Variants in PPM1H observed in about 807,000 individuals in gnomAD.
PPM1H encodes protein phosphatase 1H.
Under a neutral mutation model 54.9 loss-of-function variants are expected in PPM1H, and 27 were observed. The observed-to-expected ratio is 0.49, with a 90% CI of 0.36 to 0.68. The LOEUF is 0.68. PPM1H is among the 30% of genes least tolerant of loss of function. The pLI is 0.00. For missense variants in PPM1H, 596 were observed against 667.8 expected (o/e 0.89, Z 1.19); for synonymous variants, 305 against 270.8 (o/e 1.13, Z -1.24).
chr12:62,817,782 A>G (rs1317243288), intron 2 of PPM1H, among the ~76,000 whole-genome samples: 1 of 152,108 alleles, frequency 6.6e-6, no homozygotes, highest in Non-Finnish European at 1.5e-5. Flanking sequence ...TCCCTTTCTC[A>G]TGTTCCTTTT....
At chr12:62,759,844 G>T (rs1351830688) in intron 4 of PPM1H, among the ~76,000 whole-genome samples, 1 of 150,454 alleles carries the variant, frequency 6.6e-6, no homozygotes, top group Non-Finnish European at 1.5e-5. Flanking sequence ...CCACTTTCCT[G>T]GGGGGCAAGC....
intron 2 of PPM1H, among the ~76,000 whole-genome samples, chr12:62,817,166 A>G (rs2076874388): frequency 1.4e-5 from 2 of 143,866 alleles, no homozygotes; most frequent in South Asian, 4.3e-4. Flanking sequence ...AAAAAGAAAA[A>G]AAAAAAAAAA....
In PPM1H at chr12:62,824,005, C is replaced by A. The variant is rs148608640; in HGVS notation, c.411+8109G>T. Among the ~76,000 whole-genome samples, 821 of 151,918 alleles carry A rather than the reference C, an allele frequency of 5.4e-3. 13 individuals carry two copies. Among genetic ancestry groups the A allele is most frequent in the African/African-American group, 0.019 (779 of 41,430 alleles). On this transcript the variant is annotated intron_variant, in intron 2 of 9. Coordinates refer to ENST00000228705, the MANE Select transcript of PPM1H (RefSeq NM_020700.2). Reference sequence around the variant, plus strand: ...TGATTGTATATCTAGAAAACCCCATCTTCTCAGCCCAAAATCTCCTTAAGC... The same window carrying A: ...TGATTGTATATCTAGAAAACCCCATATTCTCAGCCCAAAATCTCCTTAAGC...
At chr12:62,846,599 T>G (rs1277517502) in intron 1 of PPM1H, among the ~76,000 whole-genome samples, 1 of 151,696 alleles carries the variant, frequency 6.6e-6, no homozygotes, top group Non-Finnish European at 1.5e-5. Flanking sequence ...CCATCTGGTC[T>G]CCTCGCACCC....
intron 6 of PPM1H, among the ~76,000 whole-genome samples, chr12:62,694,744 T>C (rs867767576): frequency 1.3e-5 from 2 of 152,210 alleles, no homozygotes; most frequent in African/African-American, 4.8e-5. Context: ...ACCTTGAGCA[T>C]GTAGCTTCAC....
intron 2 of PPM1H, among the ~76,000 whole-genome samples, chr12:62,815,087 C>T (rs937461540): frequency 6.6e-6 from 1 of 152,112 alleles, no homozygotes; most frequent in East Asian, 1.9e-4. Flanking sequence ...GATGAGAAAA[C>T]ATTTGAGTGA....
intron 1 of PPM1H, among the ~76,000 whole-genome samples, chr12:62,870,895 T>TA (rs920834451): frequency 2.0e-5 from 3 of 152,132 alleles, no homozygotes; most frequent in African/African-American, 4.8e-5. Context: ...CTGGGTATTA[T>TA]AAAAAAAGAT....
At chr12:62,924,655 T>C (rs1187748417) in intron 1 of PPM1H, among the ~76,000 whole-genome samples, 1 of 152,332 alleles carries the variant, frequency 6.6e-6, no homozygotes, top group South Asian at 2.1e-4. Context: ...CAGAATACAT[T>C]TTCTTTGTAA....
Position 62,644,189 on chromosome 12 carries a change from G to A in PPM1H, c.*4300C>T, listed in dbSNP as rs2075773226. ...ACAAAGCATAAAGGTACATGGTTCT[G>A]AAACAATTTCCAGGCAGATTTCTCT... On this transcript the variant is annotated 3_prime_UTR_variant, in exon 10 of 10. Transcript: ENST00000228705. The A allele has an allele frequency of 1.3e-5, 2 of 152,120 alleles. No homozygotes were observed. The highest frequency in any genetic ancestry group is 4.1e-4 in the South Asian group (2 of 4,830). The allele number at this position is 152,120 out of a possible 1,614,324, so 9.4% of individuals were successfully genotyped here. A position where few individuals can be genotyped will look rare whatever the true frequency, so the allele number is the denominator to read the frequency against.
chr12:62,667,135 G>A, intron 9 of PPM1H, 43 bp downstream of exon 9: 1 of 1,497,464 alleles, frequency 6.7e-7, no homozygotes, highest in Non-Finnish European at 9.1e-7. Context: ...TGTCATGGAA[G>A]AATGCTTGAG....
intron 1 of PPM1H, among the ~76,000 whole-genome samples, chr12:62,862,694 C>T (rs1399722447): frequency 6.6e-6 from 1 of 152,156 alleles, no homozygotes; most frequent in East Asian, 1.9e-4. Context: ...AGAGGCAGCA[C>T]TTTAATATCA....
At chr12:62,894,623 C>T (rs1870917684) in intron 1 of PPM1H, among the ~76,000 whole-genome samples, 1 of 152,190 alleles carries the variant, frequency 6.6e-6, no homozygotes, top group Admixed American at 6.5e-5. Context: ...AAATATTAGA[C>T]ATAAAAGTAT....
intron 2 of PPM1H, among the ~76,000 whole-genome samples, chr12:62,816,739 T>G (rs1048583645): frequency 3.3e-5 from 5 of 152,006 alleles, no homozygotes; most frequent in East Asian, 3.9e-4. Context: ...TTGGTTTTTT[T>G]TTTTAGAAGA....
In PPM1H at chr12:62,801,921, C is replaced by G. The variant is rs770470176; in HGVS notation, c.651G>C (p.Gly217=). 1.9e-6 allele frequency: 3 copies of G among 1,613,256 alleles called. No homozygotes were observed. The East Asian group carries it at 6.7e-5, about 36-fold the overall frequency. Residue 217 remains glycine, a synonymous_variant, in exon 3 of 10, where the codon GGG becomes GGC. Coordinates refer to ENST00000228705, the MANE Select transcript of PPM1H (RefSeq NM_020700.2). ...GGGGCGTGCTGGGGGAGCCCGGGGC[C>G]CCCACCCCTCCGCGCAGGGAGGCTG... The part of the protein sequence containing the change: ...TRAASLRGGV[G]APGSPSTPPT...
intron 5 of PPM1H, among the ~76,000 whole-genome samples, chr12:62,730,361 A>G (rs779742718): frequency 2.0e-5 from 3 of 152,224 alleles, no homozygotes; most frequent in Non-Finnish European, 4.4e-5. Flanking sequence ...TAGGAGTAAC[A>G]CTGCTGGACC....
intron 5 of PPM1H, among the ~76,000 whole-genome samples, chr12:62,722,194 G>C (rs1040768663): frequency 6.6e-6 from 1 of 152,072 alleles, no homozygotes; most frequent in Non-Finnish European, 1.5e-5. Context: ...GGCATAAGTG[G>C]TCAACGGACA....
intron 1 of PPM1H, among the ~76,000 whole-genome samples, chr12:62,869,829 T>C (rs1400586115): frequency 6.6e-6 from 1 of 152,144 alleles, no homozygotes; most frequent in Non-Finnish European, 1.5e-5. Context: ...ATTTTTAACT[T>C]CAAGGCCTTC....
At chr12:62,714,720 T>A (rs2076226322) in intron 6 of PPM1H, among the ~76,000 whole-genome samples, 1 of 152,186 alleles carries the variant, frequency 6.6e-6, no homozygotes, top group South Asian at 2.1e-4. Context: ...GTCAAGCATG[T>A]GATCTCAAGT....
At chr12:62,929,566 A>G (rs1248334943) in intron 1 of PPM1H, among the ~76,000 whole-genome samples, 1 of 152,218 alleles carries the variant, frequency 6.6e-6, no homozygotes, top group African/African-American at 2.4e-5. Context: ...GGGTCATAGC[A>G]GAGATGCGGA....
Sources: gnomAD v4.1 joint callset for allele counts (sites outside exome capture counted in the v4.1 genomes callset) on GRCh38, gnomAD v4.1.1 for gene constraint, MANE v1.5 for transcripts, NCBI Gene and HGNC (gene_info 2026-07-23, HGNC 2026-07-21) for gene names.